The following DDX1 variants were observed in gnomAD, a reference collection of about 807,000 sequenced individuals.
DDX1 encodes the protein ATP-dependent RNA helicase DDX1.
In DDX1, 28 loss-of-function variants were observed where a neutral mutation model predicts 108.7. That is an observed-to-expected ratio of 0.26 (90% confidence interval 0.19 to 0.35). DDX1 has a LOEUF of 0.35. Among genes scored for constraint, DDX1 ranks in the 10% least tolerant of loss-of-function variants. DDX1 has a pLI of 1.00. For synonymous variants in DDX1, 295 were observed against 288.9 expected (o/e 1.02, Z -0.21); for missense variants, 710 against 884.5 (o/e 0.80, Z 2.50).
In DDX1 at chr2:15,630,088, C is replaced by T. The variant is rs770321495; in HGVS notation, c.2070C>T (p.Tyr690=). 1.8e-5 allele frequency: 29 copies of T among 1,613,178 alleles called. No individual in the cohort carries two copies. Among genetic ancestry groups the T allele is most frequent in the Middle Eastern group, 1.6e-4 (1 of 6,076 alleles). ...PVDEFDGKVT[Y]GQKRAAGGGS... ...ATGAATTTGATGGGAAAGTTACCTA[C>T]GGTCAGAAAAGGGCTGCTGGTGGTA... The change falls in exon 25 of 26, where the codon TAC becomes TAT. Residue 690 remains tyrosine (Y), a synonymous_variant. Coordinates refer to ENST00000233084, the MANE Select transcript of DDX1 (RefSeq NM_004939.3).
intron 13 of DDX1, among the ~76,000 whole-genome samples, chr2:15,609,472 T>C (rs1665719570): frequency 6.6e-6 from 1 of 152,252 alleles, no homozygotes; most frequent in African/African-American, 2.4e-5. Flanking sequence ...CCTTACATAC[T>C]GTCATGTGTT....
intron 14 of DDX1, among the ~76,000 whole-genome samples, chr2:15,615,028 T>A (rs2148745380): frequency 6.6e-6 from 1 of 152,366 alleles, no homozygotes; most frequent in East Asian, 1.9e-4. Context: ...GAGCATTCTT[T>A]GCAGAATTCA....
At position 15,620,321 on chromosome 2, in the gene DDX1, T is replaced by G. The variant is rs201609200; in HGVS notation, c.1320T>G (p.Thr440=). The change falls in exon 17 of 26, where the codon ACT becomes ACG. Residue 440 remains threonine (T), a synonymous_variant. Transcript: ENST00000233084. The part of the protein sequence containing the change: ...DLKGEDSVPD[T]VHHVVVPVNP... ...AAGGAGAAGACTCTGTTCCAGATAC[T>G]GTACACCATGTTGTTGTCCCAGTAA... The G allele has an allele frequency of 1.2e-6, 2 of 1,613,962 alleles. No homozygotes were observed.
Position 15,628,849 on chromosome 2 carries a change from G to T in DDX1, c.1875+10G>T. On this transcript the variant is annotated intron_variant, in intron 23 of 25. Coordinates refer to ENST00000233084, the MANE Select transcript of DDX1 (RefSeq NM_004939.3). The stretch of plus-strand genomic sequence containing the variant: ...AACAGAAAAAGAAAAGGTAATCTTT[G>T]TAGGGCTCTATTATATTCATTGTGT... The T allele has an allele frequency of 6.2e-7, 1 of 1,610,272 alleles. No individual in the cohort carries two copies. The highest frequency in any genetic ancestry group is 8.5e-7 in the Non-Finnish European group (1 of 1,176,602).
chr2:15,618,074 T>A, intron 15 of DDX1, 107 bp from the exon 16 acceptor site: 1 of 588,786 alleles, frequency 1.7e-6, no homozygotes, highest in Non-Finnish European at 3.1e-6. Flanking sequence ...TGAATTAGTT[T>A]CCTTATATTT....
In DDX1 at chr2:15,611,594, G is replaced by A. The variant is rs865862436; in HGVS notation, c.957-1630G>A. On this transcript the variant is annotated intron_variant, in intron 13 of 25. Transcript: ENST00000233084. ...CCCCGACCTCCCTCCCGGACGGGGC[G>A]GCTGGCCGGGCAGAGGGGCTCCTCA... 2.6e-3 allele frequency among the ~76,000 whole-genome samples: 306 copies of A among 116,906 alleles called. 5 individuals carry two copies. The highest frequency in any genetic ancestry group is 0.012 in the African/African-American group (286 of 24,822). The allele number at this position is 116,906 out of a possible 152,430, so 76.7% of individuals were successfully genotyped here.
chr2:15,629,835 C>A, intron 24 of DDX1, 138 bp downstream of exon 24: 1 of 995,904 alleles, frequency 1.0e-6, no homozygotes, highest in Non-Finnish European at 1.5e-6. Context: ...ATGTTATCTG[C>A]ACTTTGCTAA....
At chr2:15,597,814 T>C (rs1463244008) in intron 5 of DDX1, among the ~76,000 whole-genome samples, 5 of 152,196 alleles carry the variant, frequency 3.3e-5, no homozygotes, top group Non-Finnish European at 5.9e-5. Context: ...GGAAGGATTT[T>C]ACAAATAATT....
At chr2:15,620,660 A>G (rs969507117) in intron 17 of DDX1, among the ~76,000 whole-genome samples, 2 of 152,158 alleles carry the variant, frequency 1.3e-5, no homozygotes, top group Non-Finnish European at 2.9e-5. Flanking sequence ...CTAATTTCAG[A>G]TACAATGATT....
intron 19 of DDX1, among the ~76,000 whole-genome samples, chr2:15,626,017 G>T (rs546594698): frequency 6.6e-6 from 1 of 152,150 alleles, no homozygotes; most frequent in South Asian, 2.1e-4. Context: ...AAGGAGTACT[G>T]TTGATTAAGT....
chr2:15,614,730 A>G (rs1665866021), intron 14 of DDX1, among the ~76,000 whole-genome samples: 1 of 152,202 alleles, frequency 6.6e-6, no homozygotes, highest in South Asian at 2.1e-4. Context: ...AATGTGACAA[A>G]TATTCTTTTC....
intron 14 of DDX1, among the ~76,000 whole-genome samples, chr2:15,614,703 T>G (rs1471196296): frequency 6.6e-6 from 1 of 152,216 alleles, no homozygotes; most frequent in Non-Finnish European, 1.5e-5. Context: ...GCTCTTGAAC[T>G]TCCCCAAACC....
At chr2:15,606,944 C>T (rs759044720) in intron 12 of DDX1, among the ~76,000 whole-genome samples, 2 of 152,046 alleles carry the variant, frequency 1.3e-5, no homozygotes, top group Non-Finnish European at 2.9e-5. Flanking sequence ...CACCTTGGGC[C>T]GCCCAAAGTG....
chr2:15,613,123 C>T, intron 13 of DDX1, 101 bp from the exon 14 acceptor site: 1 of 803,598 alleles, frequency 1.2e-6, no homozygotes, highest in Non-Finnish European at 1.9e-6. Flanking sequence ...ATTACTTTCT[C>T]AACCTTAATT....
intron 23 of DDX1, among the ~76,000 whole-genome samples, 161 bp from the exon 24 acceptor site, chr2:15,629,441 T>A (rs1335091397): frequency 3.3e-5 from 5 of 152,212 alleles, no homozygotes; most frequent in Admixed American, 3.3e-4. Context: ...ATTTATTCAA[T>A]GAGCTACTGA....
chr2:15,629,836 A>G (rs1174408213), intron 24 of DDX1, 139 bp downstream of exon 24: 5 of 1,000,848 alleles, frequency 5.0e-6, no homozygotes, highest in East Asian at 2.6e-5. Context: ...TGTTATCTGC[A>G]CTTTGCTAAT....
At chr2:15,624,780 T>C (rs970989014) in intron 19 of DDX1, among the ~76,000 whole-genome samples, 10 of 152,190 alleles carry the variant, frequency 6.6e-5, no homozygotes, top group African/African-American at 2.2e-4. Flanking sequence ...AATACCGTTG[T>C]ACATGCTAAA....
At chr2:15,622,877 TAGCAC>T (rs1666034536) in intron 18 of DDX1, among the ~76,000 whole-genome samples, 1 of 152,226 alleles carries the variant, frequency 6.6e-6, no homozygotes, top group African/African-American at 2.4e-5. Flanking sequence ...ATAACAATTA[TAGCAC>T]AGCTTCACAC....
intron 19 of DDX1, among the ~76,000 whole-genome samples, chr2:15,625,162 G>T (rs978745025): frequency 6.6e-6 from 1 of 152,116 alleles, no homozygotes; most frequent in Non-Finnish European, 1.5e-5. Flanking sequence ...AGCAATGATG[G>T]ATGAATCTCA....
Sources: allele counts gnomAD v4.1 joint callset (sites outside exome capture counted in the v4.1 genomes callset), GRCh38; gene constraint gnomAD v4.1.1; transcripts MANE v1.5; gene names NCBI Gene and HGNC (gene_info 2026-07-23, HGNC 2026-07-21).